Variants in IGSF10 observed in about 807,000 individuals in gnomAD.
The protein encoded by IGSF10 is immunoglobulin superfamily member 10, also known as calvaria mechanical force protein 608.
IGSF10 carries 126 observed loss-of-function variants against 128.2 expected under a neutral mutation model. The observed-to-expected ratio is 0.98, with a 90% CI of 0.85 to 1.14. IGSF10 has a LOEUF of 1.14. Among genes scored for constraint, IGSF10 ranks in the 50% most tolerant of loss-of-function variants. IGSF10 has a pLI of 0.00. For missense variants in IGSF10, 3,295 were observed against 3,149.8 expected (o/e 1.05, Z -1.10); for synonymous variants, 1,185 against 1,146.2 (o/e 1.03, Z -0.68).
intron 3 of IGSF10, among the ~76,000 whole-genome samples, 164 bp downstream of exon 3, chr3:151,458,352 T>G (rs1721899161): frequency 6.6e-6 from 1 of 152,134 alleles, no homozygotes; most frequent in Non-Finnish European, 1.5e-5. Context: ...CAGGAAAAGT[T>G]TTCTTATTGC....
the IGSF10 span, among the ~76,000 whole-genome samples, chr3:151,504,524 G>A: frequency 2.0e-5 from 3 of 152,206 alleles, no homozygotes. Flanking sequence ...ATATTGACTG[G>A]AAGTCTATTT....
At chr3:151,509,361 C>T in the IGSF10 span, among the ~76,000 whole-genome samples, 1 of 152,204 alleles carries the variant, frequency 6.6e-6, no homozygotes, top group Non-Finnish European at 1.5e-5. Context: ...GTTATCAGTG[C>T]TATACACCTA....
At chr3:151,612,192 CCTT>C in the IGSF10 span, among the ~76,000 whole-genome samples, 1 of 152,120 alleles carries the variant, frequency 6.6e-6, no homozygotes, top group Non-Finnish European at 1.5e-5. Context: ...CATAGCATTT[CCTT>C]CTTCTCCTTC....
At position 151,437,515 on chromosome 3, in the gene IGSF10, G is replaced by C; in HGVS notation, c.7046C>G (p.Ala2349Gly). 6.2e-7 allele frequency: 1 copy of C among 1,614,140 alleles called. No homozygotes were observed. The highest frequency in any genetic ancestry group is 8.5e-7 in the Non-Finnish European group (1 of 1,180,014). Residue 2349 changes from alanine (A) to glycine (G), a missense_variant, in exon 8 of 8, where the codon GCC becomes GGC. Ala to Gly is a moderately conservative substitution (Grantham distance 60, BLOSUM62 0). Coordinates refer to ENST00000282466, the MANE Select transcript of IGSF10 (RefSeq NM_178822.5). ...CAATGCTGTGGACTTTCCCAGCTGG[G>C]CAACTATTTTTTCATTAAATGGATT... ...FRNPFNEKIV[A>G]QLGKSTALNC...
chr3:151,462,011 T>C (rs1722080096), upstream of IGSF10, among the ~76,000 whole-genome samples: 2 of 152,012 alleles, frequency 1.3e-5, no homozygotes, highest in Admixed American at 1.3e-4. Flanking sequence ...AATACTACTA[T>C]TTCTGCTTGG....
the IGSF10 span, among the ~76,000 whole-genome samples, chr3:151,496,015 C>G: frequency 3.3e-5 from 5 of 152,226 alleles, no homozygotes; most frequent in African/African-American, 1.2e-4. Context: ...CAGTCTGATA[C>G]TCATGTTCTA....
chr3:151,448,510 C>T lies in IGSF10; in HGVS notation c.1471G>A (p.Gly491Arg), dbSNP rs777829061. The change falls in exon 6 of 8, where the codon GGA becomes AGA. Residue 491 changes from glycine (G) to arginine (R), a missense_variant. By Grantham distance (125) the Gly-to-Arg change is moderately radical. Transcript: ENST00000282466. ...TKLEHTVLVG[G>R]TVGLNCPGQG... is the part of the protein sequence containing the mutation. ...CCTGGGCAGTTCAGGCCAACGGTTCCACCTACCAAGACAGTATGTTCCAGC... is the reference window on the plus strand; with the variant it reads ...CCTGGGCAGTTCAGGCCAACGGTTCTACCTACCAAGACAGTATGTTCCAGC... 1 of 1,614,232 alleles carries T rather than the reference C, an allele frequency of 6.2e-7. No individual in the cohort carries two copies. The highest frequency in any genetic ancestry group is 1.1e-5 in the South Asian group (1 of 91,086).
chr3:151,470,127 A>G, the IGSF10 span, among the ~76,000 whole-genome samples: 1 of 152,224 alleles, frequency 6.6e-6, no homozygotes, highest in Non-Finnish European at 1.5e-5. Context: ...CAGGCATTGC[A>G]TCAAGACTTA....
chr3:151,491,526 C>A, the IGSF10 span, among the ~76,000 whole-genome samples: 2 of 152,096 alleles, frequency 1.3e-5, no homozygotes, highest in Non-Finnish European at 2.9e-5. Context: ...TGCAGTGAGC[C>A]AAGATTGTGC....
At chr3:151,538,709 G>T in the IGSF10 span, among the ~76,000 whole-genome samples, 1 of 152,044 alleles carries the variant, frequency 6.6e-6, no homozygotes, top group African/African-American at 2.4e-5. Flanking sequence ...ATTGCTTTAA[G>T]AACATTACTC....
the IGSF10 span, among the ~76,000 whole-genome samples, chr3:151,532,552 C>T: frequency 6.6e-6 from 1 of 152,078 alleles, no homozygotes. Flanking sequence ...TAATCCATCG[C>T]ATAAGCAGAA....
the IGSF10 span, among the ~76,000 whole-genome samples, chr3:151,488,684 T>A: frequency 6.6e-6 from 1 of 152,126 alleles, no homozygotes. Context: ...TCTACAACCA[T>A]CTGATCTTTG....
chr3:151,510,254 C>G, the IGSF10 span, among the ~76,000 whole-genome samples: 2 of 152,296 alleles, frequency 1.3e-5, no homozygotes, highest in East Asian at 3.9e-4. Flanking sequence ...CCTCACACGG[C>G]CGGGTACTCC....
At chr3:151,614,396 C>T in the IGSF10 span, among the ~76,000 whole-genome samples, 1 of 152,182 alleles carries the variant, frequency 6.6e-6, no homozygotes, top group African/African-American at 2.4e-5. Flanking sequence ...GCACTATTCA[C>T]ACTAGCAAAG....
At chr3:151,598,485 C>T in the IGSF10 span, among the ~76,000 whole-genome samples, 1 of 152,180 alleles carries the variant, frequency 6.6e-6, no homozygotes. Context: ...GGTTCCAGAA[C>T]CCTCTGAGGA....
At chr3:151,556,316 A>G in the IGSF10 span, among the ~76,000 whole-genome samples, 1 of 152,206 alleles carries the variant, frequency 6.6e-6, no homozygotes, top group Non-Finnish European at 1.5e-5. Context: ...AAAATGTATG[A>G]AAGTCTTTGG....
the IGSF10 span, among the ~76,000 whole-genome samples, chr3:151,508,320 A>G: frequency 6.6e-6 from 1 of 152,190 alleles, no homozygotes; most frequent in Non-Finnish European, 1.5e-5. Context: ...GTTTTATTAA[A>G]ATTAGTTTTA....
chr3:151,615,048 G>T, the IGSF10 span, among the ~76,000 whole-genome samples: 1 of 152,018 alleles, frequency 6.6e-6, no homozygotes, highest in Admixed American at 6.5e-5. Context: ...ATTTGCTAAG[G>T]TCAGAAAAAT....
chr3:151,469,281 A>G, the IGSF10 span, among the ~76,000 whole-genome samples: 1 of 152,112 alleles, frequency 6.6e-6, no homozygotes, highest in Non-Finnish European at 1.5e-5. Flanking sequence ...GTCAAATGGT[A>G]TTTCTGTTTC....
Sources: gnomAD v4.1 joint callset for allele counts (sites outside exome capture counted in the v4.1 genomes callset) on GRCh38, gnomAD v4.1.1 for gene constraint, MANE v1.5 for transcripts, NCBI Gene and HGNC (gene_info 2026-07-23, HGNC 2026-07-21) for gene names.